RHBDF1: variants seen among roughly 807,000 people sequenced by gnomAD.
The protein encoded by RHBDF1 is inactive rhomboid protein 1.
Under a neutral mutation model 98.6 loss-of-function variants are expected in RHBDF1, and 80 were observed. The ratio of observed to expected loss-of-function variants is 0.81; its 90% CI spans 0.68 to 0.98. The LOEUF is 0.98. Ranked by LOEUF, RHBDF1 falls within the 50% of genes least tolerant of loss-of-function variation. The pLI, the probability that RHBDF1 is intolerant of heterozygous loss-of-function variation, is 0.00. For synonymous variants in RHBDF1, 512 were observed against 486.8 expected, an observed-to-expected ratio of 1.05 and a Z score of -0.68; for missense variants, 1,116 against 1,198.3, an observed-to-expected ratio of 0.93 and a Z score of 1.01.
In RHBDF1 at chr16:63,852, G is replaced by A. The variant is rs1019409381; in HGVS notation, c.249-52C>T. The A allele has an allele frequency of 6.6e-6, 10 of 1,524,900 alleles. No homozygotes were observed. In the African/African-American group the frequency reaches 9.8e-5, roughly 15 times the overall value. 94.5% of individuals were successfully genotyped at this position (1,524,900 alleles called of 1,614,324 possible). A position where few individuals can be genotyped will look rare whatever the true frequency, so the allele number is the denominator to read the frequency against. ...GCGGCCAGATCGCCCCTCCCAGGCA[G>A]GGGACTTCAAAGGCCCTCCTCCGGG... On this transcript the variant is annotated intron_variant, in intron 3 of 17. Coordinates refer to ENST00000262316, the MANE Select transcript of RHBDF1 (RefSeq NM_022450.5).
upstream of RHBDF1, among the ~76,000 whole-genome samples, chr16:75,488 C>A (rs1473588480): frequency 6.6e-6 from 1 of 152,190 alleles, no homozygotes; most frequent in East Asian, 1.9e-4. Flanking sequence ...CAGGGATGGG[C>A]CCATGACCAG....
At position 62,016 on chromosome 16, in the gene RHBDF1, GC is replaced by G. The variant is rs1897650947; in HGVS notation, c.989del (p.Gly330AlafsTer16). The G allele has an allele frequency of 6.5e-7, 1 of 1,532,862 alleles. No individual in the cohort carries two copies. Among genetic ancestry groups the G allele is most frequent in the Admixed American group, 1.9e-5 (1 of 52,084 alleles). 95.0% of individuals were successfully genotyped at this position (1,532,862 alleles called of 1,614,324 possible). ...LERGWRKQKE[G>X]AAAPQPKVRL... The stretch of plus-strand genomic sequence containing the variant: ...GCACCTTGGGCTGCGGGGCTGCGGC[GC>G]CCTCCTTCTGCTTCCGCCAGCCTCG... On this transcript the variant is annotated frameshift_variant, in exon 8 of 18. Coordinates refer to ENST00000262316, the MANE Select transcript of RHBDF1 (RefSeq NM_022450.5). LOFTEE classifies it high-confidence loss of function.
In RHBDF1 at chr16:60,519, C is replaced by A. The variant is rs1445108679; in HGVS notation, c.1578G>T (p.Val526=). ...EECSSTLAVW[V]KWPIHPSAPE... is the part of the protein sequence containing the mutation. The stretch of plus-strand genomic sequence containing the variant: ...GGGCGCTGGGATGGATGGGCCACTT[C>A]ACCCACACTGCCAGCGTGGACTGTG... Residue 526 remains valine, a synonymous_variant, in exon 12 of 18, where the codon GTG becomes GTT. Coordinates refer to ENST00000262316, the MANE Select transcript of RHBDF1 (RefSeq NM_022450.5). 1 of 1,609,760 alleles carries A rather than the reference C, an allele frequency of 6.2e-7. No homozygotes were observed. Among genetic ancestry groups the A allele is most frequent in the East Asian group, 2.2e-5 (1 of 44,878 alleles).
Position 61,914 on chromosome 16 carries a change from G to C in RHBDF1, c.1092C>G (p.Phe364Leu). 6.2e-7 allele frequency: 1 copy of C among 1,603,398 alleles called. No homozygotes were observed. The highest frequency in any genetic ancestry group is 8.5e-7 in the Non-Finnish European group (1 of 1,179,582). Residue 364 changes from phenylalanine to leucine, a missense_variant, in exon 8 of 18, where the codon TTC (phenylalanine) becomes TTG (leucine). Coordinates refer to ENST00000262316, the MANE Select transcript of RHBDF1 (RefSeq NM_022450.5). ...QRIAVPVRKL[F>L]AREKRPYGLG... ...GCCCATACGGCCGCTTCTCCCGGGC[G>C]AAGAGCTTGCGCACCGGCACCGCGA... is the stretch of plus-strand genomic sequence containing the variant.
chr16:63,478 G>T, intron 4 of RHBDF1, 109 bp downstream of exon 4: 1 of 996,562 alleles, frequency 1.0e-6, no homozygotes, highest in Non-Finnish European at 1.5e-6. Context: ...TGCCCTTCCA[G>T]ACTGTGAGCT....
chr16:58,909 T>C (rs377630962), intron 17 of RHBDF1, 65 bp downstream of exon 17: 10 of 1,590,702 alleles, frequency 6.3e-6, no homozygotes, highest in East Asian at 4.5e-5. Context: ...GTGCTCGATA[T>C]GGACAGGTTC....
Position 59,439 on chromosome 16 carries a change from C to T in RHBDF1, c.1873G>A (p.Glu625Lys), listed in dbSNP as rs1596464251. 1 of 1,613,846 alleles carries T rather than the reference C, an allele frequency of 6.2e-7. No individual in the cohort carries two copies. Among genetic ancestry groups the T allele is most frequent in the East Asian group, 2.2e-5 (1 of 44,876 alleles). ...CCTACCTGAGAGCAGAGCGTGGCCT[C>T]CTCATGGAAGTAGCCCCTCATGAAG... is the stretch of plus-strand genomic sequence containing the variant. ...CDFMRGYFHE[E>K]ATLCSQVHCM... Residue 625 changes from glutamate to lysine, a missense_variant, in exon 15 of 18, where the codon GAG (glutamate) becomes AAG (lysine). Physicochemically the swap from Glu to Lys is moderately conservative, Grantham distance 56. Coordinates refer to ENST00000262316, the MANE Select transcript of RHBDF1 (RefSeq NM_022450.5).
intron 1 of RHBDF1, among the ~76,000 whole-genome samples, chr16:65,850 G>A (rs1279871973): frequency 6.6e-6 from 1 of 152,268 alleles, no homozygotes; most frequent in Non-Finnish European, 1.5e-5. Context: ...GTGACCACCA[G>A]GTGACGCCAC....
At chr16:62,181 C>T (rs2141851053) in intron 7 of RHBDF1, 129 bp from the exon 8 acceptor site, 1 of 1,310,088 alleles carries the variant, frequency 7.6e-7, no homozygotes, top group East Asian at 2.6e-5. Flanking sequence ...CATCTGCCTT[C>T]TCCTTGCCAG....
rs139750325 is a variant in RHBDF1 at position 63,179 on chromosome 16, T to C, written c.466A>G (p.Ile156Val). 4,306 of 1,569,332 alleles carry C rather than the reference T, an allele frequency of 2.7e-3. 5 individuals are homozygous for C. The highest frequency in any genetic ancestry group is 3.4e-3 in the Non-Finnish European group (3,938 of 1,157,752). ...GCACGGCCACGGGCCAGGGGGTCTA[T>C]GATCTGGAGGAGGGGAGGAGATGCT... is the stretch of plus-strand genomic sequence containing the variant. ...GPCQLGMQKIIDPLARGRAFR... is the reference protein window; with the variant it reads ...GPCQLGMQKIVDPLARGRAFR... The change falls in exon 5 of 18, where the codon ATA (isoleucine) becomes GTA (valine). Residue 156 changes from isoleucine (I) to valine (V), a missense_variant. Ile to Val is a conservative substitution (Grantham distance 29). Transcript: ENST00000262316.
chr16:61,805 C>A lies in RHBDF1; in HGVS notation c.1201G>T (p.Asp401Tyr). 6.2e-7 allele frequency: 1 copy of A among 1,612,698 alleles called. No homozygotes were observed. Among genetic ancestry groups the A allele is most frequent in the Middle Eastern group, 1.7e-4 (1 of 6,060 alleles). ...CTTGCCTGCCACGCCTACCTGTGGT[C>A]GTCCATGTCCTCGATCTGGCGCTTG... ...FVKRQIEDMD[D>Y]HRPFFTYWLT... The change falls in exon 8 of 18, where the codon GAC becomes TAC. Residue 401 changes from aspartate to tyrosine, a missense_variant. Coordinates refer to ENST00000262316, the MANE Select transcript of RHBDF1 (RefSeq NM_022450.5).
chr16:63,451 C>T (rs1897721033), intron 4 of RHBDF1, 136 bp downstream of exon 4: 9 of 784,584 alleles, frequency 1.1e-5, no homozygotes, highest in African/African-American at 3.5e-5. Context: ...GGTGCCTTCA[C>T]GAGCAGGCTG....
chr16:72,718 C>T (rs1419743329), upstream of RHBDF1: 2 of 983,884 alleles, frequency 2.0e-6, no homozygotes, highest in East Asian at 1.1e-4. Context: ...GCGCGCCGCC[C>T]GCCTGCCCGG....
Position 62,661 on chromosome 16 carries a change from G to A in RHBDF1, c.830C>T (p.Pro277Leu), listed in dbSNP as rs143952603. ...CGATGGGGACTCGAAAACTTCATCC[G>A]GGTATGTGGACAGCTCTTCATGGAG... ...GILHEELSTYPDEVFESPSEA... is the reference protein window; with the variant it reads ...GILHEELSTYLDEVFESPSEA... Residue 277 changes from proline to leucine, a missense_variant, in exon 7 of 18, where the codon CCG (proline) becomes CTG (leucine). Coordinates refer to ENST00000262316, the MANE Select transcript of RHBDF1 (RefSeq NM_022450.5). 713 of 1,614,120 alleles carry A rather than the reference G, an allele frequency of 4.4e-4. 5 individuals are homozygous for A. The East Asian group carries it at 0.014, about 31-fold the overall frequency.
chr16:59,610 C>T (rs1897529883), intron 14 of RHBDF1, 116 bp from the exon 15 acceptor site: 1 of 1,469,020 alleles, frequency 6.8e-7, no homozygotes, highest in South Asian at 1.3e-5. Flanking sequence ...AAGTCCAGAC[C>T]CCCTCTAACC....
intron 3 of RHBDF1, chr16:64,076 G>T: frequency 1.6e-6 from 1 of 636,524 alleles, no homozygotes; most frequent in Admixed American, 2.5e-5. Context: ...GGCAGTTGAG[G>T]GGAGGCACTG....
At chr16:69,854 C>G (rs949729926) in intron 1 of RHBDF1, among the ~76,000 whole-genome samples, 2 of 152,172 alleles carry the variant, frequency 1.3e-5, no homozygotes, top group Non-Finnish European at 2.9e-5. Context: ...CAGACTGGCA[C>G]CCTGCCTCCC....
chr16:69,387 G>A (rs993648080), intron 1 of RHBDF1, among the ~76,000 whole-genome samples: 1 of 152,088 alleles, frequency 6.6e-6, no homozygotes, highest in African/African-American at 2.4e-5. Flanking sequence ...GCTCTGCTCC[G>A]CCCAAGGAAC....
chr16:58,575 C>T lies in RHBDF1; in HGVS notation c.2333G>A (p.Ser778Asn). The T allele has an allele frequency of 1.2e-6, 2 of 1,613,876 alleles. No individual in the cohort carries two copies. The highest frequency in any genetic ancestry group is 1.7e-6 in the Non-Finnish European group (2 of 1,179,982). Residue 778 changes from serine to asparagine, a missense_variant, in exon 18 of 18, where the codon AGT becomes AAT. Ser to Asn is a conservative substitution (Grantham distance 46). Coordinates refer to ENST00000262316, the MANE Select transcript of RHBDF1 (RefSeq NM_022450.5). Reference protein sequence around the residue: ...DNFAHISGFISGLFLSFAFLP... With the variant: ...DNFAHISGFINGLFLSFAFLP... ...GAAGGCGAAGGAGAGGAAGAGGCCA[C>T]TGATGAACCCTGAGATGTGGGCAAA...
Sources: gnomAD v4.1 joint callset for allele counts (sites outside exome capture counted in the v4.1 genomes callset) on GRCh38, gnomAD v4.1.1 for gene constraint, MANE v1.5 for transcripts, NCBI Gene and HGNC (gene_info 2026-07-23, HGNC 2026-07-21) for gene names.